Variants in CHST9 observed in about 807,000 individuals in gnomAD.
The protein encoded by CHST9 is carbohydrate sulfotransferase 9, also known as GalNAc-4-sulfotransferase 2.
Under a neutral mutation model 44.4 loss-of-function variants are expected in CHST9, and 41 were observed. The ratio of observed to expected loss-of-function variants is 0.92; its 90% CI spans 0.72 to 1.20. The LOEUF is 1.20. CHST9 is among the 50% of genes most tolerant of loss of function. The pLI is 0.00. For missense variants in CHST9, 504 were observed against 516.5 expected (o/e 0.98, Z 0.23); for synonymous variants, 171 against 178.4 (o/e 0.96, Z 0.33).
At chr18:27,062,598 G>A (rs528393520) in intron 2 of CHST9, among the ~76,000 whole-genome samples, 1 of 152,170 alleles carries the variant, frequency 6.6e-6, no homozygotes, top group Admixed American at 6.5e-5. Context: ...CTTTCCTATT[G>A]TGAATAGTGC....
At chr18:26,956,708 A>C (rs1251647007) in intron 4 of CHST9, among the ~76,000 whole-genome samples, 1 of 152,112 alleles carries the variant, frequency 6.6e-6, no homozygotes, top group African/African-American at 2.4e-5. Flanking sequence ...GGCGGAATGA[A>C]ATTTAGGGGG....
intron 1 of CHST9, among the ~76,000 whole-genome samples, chr18:27,166,923 G>A (rs2058795253): frequency 6.6e-6 from 1 of 152,192 alleles, no homozygotes; most frequent in African/African-American, 2.4e-5. Flanking sequence ...ATTAGACAAA[G>A]AGTAGGAAAT....
chr18:27,049,442 G>A (rs2057540710), intron 2 of CHST9, among the ~76,000 whole-genome samples: 2 of 151,970 alleles, frequency 1.3e-5, no homozygotes, highest in African/African-American at 4.8e-5. Flanking sequence ...GCTTGTAAGA[G>A]GTCAGAAAAT....
At position 27,106,230 on chromosome 18, in the gene CHST9, T is replaced by C. The variant is rs1372368261; in HGVS notation, c.121+36459A>G. 3.9e-5 allele frequency among the ~76,000 whole-genome samples: 6 copies of C among 152,168 alleles called. 1 individual carries two copies. Among genetic ancestry groups the C allele is most frequent in the Admixed American group, 3.9e-4 (6 of 15,272 alleles). Reference sequence around the variant, plus strand: ...GAATTATAGATTTTTTCAACTGCTTTTATTTGCCTCTGAGGAAATAAAGAC... The same window carrying C: ...GAATTATAGATTTTTTCAACTGCTTCTATTTGCCTCTGAGGAAATAAAGAC... On this transcript the variant is annotated intron_variant, in intron 2 of 5. Coordinates refer to ENST00000618847, the MANE Select transcript of CHST9 (RefSeq NM_031422.6).
At position 26,909,395 on chromosome 18, in the gene CHST9, A is replaced by T. The variant is rs773829341; in HGVS notation, c.*6864T>A. On this transcript the variant is annotated 3_prime_UTR_variant, in exon 6 of 6. Transcript: ENST00000618847. ...TTTCATAGAGATTCCAATTCTGTGT[A>T]TCTTGGATGGGGTCTGGGAATATGT... 1 of 152,224 alleles carries T rather than the reference A, an allele frequency of 6.6e-6. No homozygotes were observed. Among genetic ancestry groups the T allele is most frequent in the African/African-American group, 2.4e-5 (1 of 41,462 alleles). The allele number at this position is 152,224 out of a possible 1,614,324, so 9.4% of individuals were successfully genotyped here.
rs1173617710 is a variant in CHST9, at chr18:27,080,755, G to A, written c.122-32252C>T. On this transcript the variant is annotated intron_variant, in intron 2 of 5. Transcript: ENST00000618847. The stretch of plus-strand genomic sequence containing the variant: ...TCAGGGAGATCTGGAAAGAAGATGG[G>A]AGAAATGGCAGAATGCAGCTCAACT... Among the ~76,000 whole-genome samples, 3 of 152,288 alleles carry A rather than the reference G, an allele frequency of 2.0e-5. No homozygotes were observed. The South Asian group carries it at 6.2e-4, about 32-fold the overall frequency.
chr18:26,944,305 A>T (rs375766849), intron 5 of CHST9, 24 bp downstream of exon 5: 256 of 1,577,022 alleles, frequency 1.6e-4, no homozygotes, highest in Middle Eastern at 6.7e-4. Flanking sequence ...TCTATATTAG[A>T]GTTTACGAGA....
At chr18:27,081,192 G>C (rs1160083427) in intron 2 of CHST9, among the ~76,000 whole-genome samples, 1 of 152,040 alleles carries the variant, frequency 6.6e-6, no homozygotes, top group East Asian at 1.9e-4. Context: ...AAAACAGTTT[G>C]CTGGGCATGG....
At chr18:26,981,485 G>C (rs567813685) in intron 4 of CHST9, among the ~76,000 whole-genome samples, 1 of 152,328 alleles carries the variant, frequency 6.6e-6, no homozygotes, top group East Asian at 1.9e-4. Flanking sequence ...TATCATTCAA[G>C]TGTTACTAAT....
intron 2 of CHST9, among the ~76,000 whole-genome samples, chr18:27,109,234 A>T (rs898893235): frequency 2.6e-5 from 4 of 152,200 alleles, no homozygotes; most frequent in African/African-American, 9.6e-5. Flanking sequence ...GCCTCCAGCC[A>T]CCTGGGAGCT....
chr18:27,119,652 G>GT (rs2058357706), intron 2 of CHST9, among the ~76,000 whole-genome samples: 1 of 120,014 alleles, frequency 8.3e-6, no homozygotes, highest in Non-Finnish European at 1.7e-5. Flanking sequence ...TTTTGTTTTG[G>GT]GTTTTTTTTT....
At chr18:26,992,683 G>T (rs1345606242) in intron 4 of CHST9, among the ~76,000 whole-genome samples, 1 of 151,696 alleles carries the variant, frequency 6.6e-6, no homozygotes, top group Non-Finnish European at 1.5e-5. Context: ...ATTTGGTATT[G>T]ACTAAATGGC....
intron 2 of CHST9, among the ~76,000 whole-genome samples, chr18:27,086,881 G>C (rs1054680233): frequency 6.6e-6 from 1 of 152,050 alleles, no homozygotes; most frequent in Admixed American, 6.5e-5. Flanking sequence ...CAGACTATGA[G>C]GTGTGGATAA....
Position 26,908,960 on chromosome 18 carries a change from G to A in CHST9, c.*7299C>T, listed in dbSNP as rs2055404754. On this transcript the variant is annotated 3_prime_UTR_variant, in exon 6 of 6. Transcript: ENST00000618847. ...GGAGAAACTCATATTGTCTTCACTT[G>A]TTCAATGTGAAGTTGAGTTGCCAAA... is the stretch of plus-strand genomic sequence containing the variant. 2.0e-5 allele frequency: 3 copies of A among 152,184 alleles called. No homozygotes were observed. The highest frequency in any genetic ancestry group is 7.2e-5 in the African/African-American group (3 of 41,438). The allele number at this position is 152,184 out of a possible 1,614,324, so 9.4% of individuals were successfully genotyped here. A position where few individuals can be genotyped will look rare whatever the true frequency, so the allele number is the denominator to read the frequency against.
intron 4 of CHST9, among the ~76,000 whole-genome samples, chr18:26,956,526 T>C (rs1309771110): frequency 6.6e-6 from 1 of 150,772 alleles, no homozygotes; most frequent in African/African-American, 2.4e-5. Context: ...ATATTATTTT[T>C]GTGGTCCTAG....
intron 2 of CHST9, among the ~76,000 whole-genome samples, chr18:27,098,527 C>T (rs1378110477): frequency 1.3e-5 from 2 of 152,054 alleles, no homozygotes; most frequent in African/African-American, 4.8e-5. Context: ...GCACTATTTA[C>T]AATAGCAAAG....
At chr18:26,952,770 G>C (rs565686106) in intron 4 of CHST9, among the ~76,000 whole-genome samples, 1 of 152,284 alleles carries the variant, frequency 6.6e-6, no homozygotes, top group South Asian at 2.1e-4. Flanking sequence ...TACCTCCTAA[G>C]TGCTGGGCAT....
chr18:26,917,408 G>C, intron 5 of CHST9, 58 bp from the exon 6 acceptor site: 1 of 1,523,170 alleles, frequency 6.6e-7, no homozygotes, highest in South Asian at 1.3e-5. Context: ...GGGTATACTG[G>C]ATAAGGAACT....
intron 5 of CHST9, chr18:26,930,775 G>C (rs2055862656): frequency 6.5e-6 from 1 of 153,724 alleles, no homozygotes; most frequent in Non-Finnish European, 1.5e-5. Flanking sequence ...AGTTCCTCTG[G>C]CCATGGGAGG....
Sources: allele counts gnomAD v4.1 joint callset (sites outside exome capture counted in the v4.1 genomes callset), GRCh38; gene constraint gnomAD v4.1.1; transcripts MANE v1.5; gene names NCBI Gene and HGNC (gene_info 2026-07-23, HGNC 2026-07-21).